The following PCDHA1 variants were observed in gnomAD, a reference collection of about 807,000 sequenced individuals.
The protein encoded by PCDHA1 is protocadherin alpha 1.
Under a neutral mutation model 61.3 loss-of-function variants are expected in PCDHA1, and 42 were observed. That is an observed-to-expected ratio of 0.69 (90% CI 0.54 to 0.89). The LOEUF (loss-of-function observed/expected upper bound fraction) is 0.89, where lower values mean the gene tolerates loss of function less well. PCDHA1 is among the 40% of genes least tolerant of loss of function. The pLI is 0.00. For missense variants in PCDHA1, 1,256 were observed against 1,235.3 expected, an observed-to-expected ratio of 1.02 and a Z score of -0.25; for synonymous variants, 610 against 553.8, an observed-to-expected ratio of 1.10 and a Z score of -1.43.
At chr5:140,863,452 G>T in intron 1 of PCDHA1, 2 of 561,032 alleles carry the variant, frequency 3.6e-6, no homozygotes, top group Non-Finnish European at 6.8e-6. Flanking sequence ...TCGCAGCAAA[G>T]GAGATTTTAC....
chr5:140,982,797 G>A (rs2097006142), intron 3 of PCDHA1, among the ~76,000 whole-genome samples: 1 of 151,640 alleles, frequency 6.6e-6, no homozygotes, highest in Admixed American at 6.6e-5. Context: ...ATGTGTGCAT[G>A]TGTGTGTGTG....
chr5:140,927,451 T>C (rs782170767), intron 1 of PCDHA1: 4 of 1,614,082 alleles, frequency 2.5e-6, no homozygotes, highest in South Asian at 1.1e-5. Context: ...GGAGTTGGTG[T>C]TGGAGAAAGC....
chr5:141,004,697 T>A (rs2098177211), intron 3 of PCDHA1, among the ~76,000 whole-genome samples: 3 of 152,184 alleles, frequency 2.0e-5, no homozygotes, highest in Admixed American at 2.0e-4. Flanking sequence ...AAACCCAGTT[T>A]TAGGTGCCGA....
chr5:140,929,528 T>C, intron 1 of PCDHA1: 1 of 693,446 alleles, frequency 1.4e-6, no homozygotes, highest in African/African-American at 1.9e-5. Context: ...TAGTTTATTT[T>C]TGAGAAACAA....
intron 1 of PCDHA1, chr5:140,797,147 C>G (rs1562165837): frequency 3.1e-6 from 5 of 1,613,838 alleles, no homozygotes; most frequent in Non-Finnish European, 4.2e-6. Flanking sequence ...GTGCCACCCA[C>G]CGAGGGTGCG....
intron 1 of PCDHA1, among the ~76,000 whole-genome samples, chr5:140,935,909 T>C (rs1452831803): frequency 6.6e-6 from 1 of 151,600 alleles, no homozygotes; most frequent in African/African-American, 2.4e-5. Flanking sequence ...TTTTTTTTTT[T>C]TGAGACAGAT....
intron 1 of PCDHA1, among the ~76,000 whole-genome samples, chr5:140,840,523 A>T (rs1554137815): frequency 6.6e-6 from 1 of 152,058 alleles, no homozygotes; most frequent in Non-Finnish European, 1.5e-5. Context: ...CAGAAGAAAG[A>T]TGAAGAACTA....
In PCDHA1 at chr5:140,787,167, T is replaced by A. The variant is rs561695201; in HGVS notation, c.877T>A (p.Phe293Ile). The A allele has an allele frequency of 1.2e-6, 2 of 1,613,694 alleles. No homozygotes were observed. Among genetic ancestry groups the A allele is most frequent in the Non-Finnish European group, 1.7e-6 (2 of 1,179,858 alleles). ...TATTTCTCGTGACATTCAAGAAAAATTCAAAGTTGATTCCAGCTCAGGAGA... is the reference window on the plus strand; with the variant it reads ...TATTTCTCGTGACATTCAAGAAAAAATCAAAGTTGATTCCAGCTCAGGAGA... ...SGISRDIQEKFKVDSSSGEIR... is the reference protein window; with the variant it reads ...SGISRDIQEKIKVDSSSGEIR... The change falls in exon 1 of 4, where the codon TTC becomes ATC. Residue 293 changes from phenylalanine (F) to isoleucine (I), a missense_variant. By Grantham distance (21) the Phe-to-Ile change is conservative. Transcript: ENST00000504120.
In PCDHA1 at chr5:141,010,093, T is replaced by A. The variant is rs2098416026; in HGVS notation, c.*156T>A. On this transcript the variant is annotated 3_prime_UTR_variant, in exon 4 of 4. Transcript: ENST00000504120. The stretch of plus-strand genomic sequence containing the variant: ...TTCCCTGTGTCTGTCTAGAACGCAT[T>A]TAACAGGTTTTGTCGTAAAAGCTTT... 4 of 1,612,692 alleles carry A rather than the reference T, an allele frequency of 2.5e-6. No homozygotes were observed. Among genetic ancestry groups the A allele is most frequent in the Non-Finnish European group, 3.4e-6 (4 of 1,179,392 alleles).
At chr5:140,838,073 ATATAGTGTGT>A (rs1415475897) in intron 1 of PCDHA1, among the ~76,000 whole-genome samples, 44 of 126,826 alleles carry the variant, frequency 3.5e-4, no homozygotes, top group Admixed American at 1.0e-3. Context: ...AGTTATATAT[ATATAGTGTGT>A]GTGTGTGTGT....
intron 1 of PCDHA1, among the ~76,000 whole-genome samples, chr5:140,934,025 A>C (rs190533956): frequency 1.2e-3 from 183 of 152,100 alleles, no homozygotes; most frequent in Non-Finnish European, 2.2e-3. Flanking sequence ...ACTTGGAAGT[A>C]GTTTATTAAT....
intron 3 of PCDHA1, among the ~76,000 whole-genome samples, chr5:140,999,423 C>G (rs1159862736): frequency 6.6e-6 from 1 of 152,100 alleles, no homozygotes; most frequent in Non-Finnish European, 1.5e-5. Context: ...AGCTAAGAGG[C>G]CAAGTACCTT....
chr5:140,883,676 C>T lies in PCDHA1; in HGVS notation c.2394+94992C>T, dbSNP rs986680593. 6.2e-6 allele frequency: 10 copies of T among 1,613,792 alleles called. No homozygotes were observed. In the Admixed American group the frequency reaches 1.0e-4, roughly 16 times the overall value. On this transcript the variant is annotated intron_variant, in intron 1 of 3. Transcript: ENST00000504120. Reference sequence around the variant, plus strand: ...GGTGTTCGTGAAGGAAAACAATCCGCCGGGCTGCCACATCTTCACGGTGTC... The same window carrying T: ...GGTGTTCGTGAAGGAAAACAATCCGTCGGGCTGCCACATCTTCACGGTGTC...
chr5:140,809,421 T>TG, intron 1 of PCDHA1: 1 of 1,614,034 alleles, frequency 6.2e-7, no homozygotes, highest in East Asian at 2.2e-5. Flanking sequence ...TCCAGTGCGG[T>TG]GGGGAGCTGG....
intron 1 of PCDHA1, chr5:140,926,963 A>G (rs782460460): frequency 1.2e-6 from 2 of 1,605,984 alleles, no homozygotes; most frequent in South Asian, 2.2e-5. Context: ...CAGCTCGAGT[A>G]CTCAGTGCCG....
At chr5:140,935,721 A>G (rs2090523952) in intron 1 of PCDHA1, among the ~76,000 whole-genome samples, 1 of 152,196 alleles carries the variant, frequency 6.6e-6, no homozygotes, top group African/African-American at 2.4e-5. Context: ...ATATATTTAG[A>G]GAAGTCTAGT....
chr5:140,787,340 G>A lies in PCDHA1; in HGVS notation c.1050G>A (p.Leu350=). 1 of 1,614,206 alleles carries A rather than the reference G, an allele frequency of 6.2e-7. No homozygotes were observed. Among genetic ancestry groups the A allele is most frequent in the African/African-American group, 1.3e-5 (1 of 75,072 alleles). Reference sequence around the variant, plus strand: ...ATGTAAATGATAATGCTCCAGAACTGGCGGTCACTTCATTGTATTTGCCTA... The same window carrying A: ...ATGTAAATGATAATGCTCCAGAACTAGCGGTCACTTCATTGTATTTGCCTA... The part of the protein sequence containing the change: ...VLDVNDNAPE[L]AVTSLYLPIR... Residue 350 remains leucine (L), a synonymous_variant, in exon 1 of 4, where the codon CTG becomes CTA. Coordinates refer to ENST00000504120, the MANE Select transcript of PCDHA1 (RefSeq NM_018900.4).
intron 1 of PCDHA1, among the ~76,000 whole-genome samples, chr5:140,833,632 C>T (rs1228908816): frequency 6.6e-6 from 1 of 152,104 alleles, no homozygotes; most frequent in Non-Finnish European, 1.5e-5. Context: ...ACTTCCTCCT[C>T]AAAAAGTTCA....
At chr5:140,902,203 C>CTTTTTTTTT (rs148688132) in intron 1 of PCDHA1, among the ~76,000 whole-genome samples, 1 of 124,460 alleles carries the variant, frequency 8.0e-6, no homozygotes. Flanking sequence ...CTCTCTCTTT[C>CTTTTTTTTT]TTTTTTTTTT....
Sources: allele counts gnomAD v4.1 joint callset (sites outside exome capture counted in the v4.1 genomes callset), GRCh38; gene constraint gnomAD v4.1.1; transcripts MANE v1.5; gene names NCBI Gene and HGNC (gene_info 2026-07-23, HGNC 2026-07-21).